Variants in CNDP2 observed in about 807,000 individuals in gnomAD.
CNDP2 encodes the protein carnosine dipeptidase 2, also known as cytosolic non-specific dipeptidase.
Under a neutral mutation model 55.0 loss-of-function variants are expected in CNDP2, and 38 were observed. The observed-to-expected ratio is 0.69, with a 90% CI of 0.53 to 0.90. The LOEUF is 0.90. Among genes scored for constraint, CNDP2 ranks in the 40% least tolerant of loss-of-function variants. The pLI is 0.00. For missense variants in CNDP2, 607 were observed against 621.7 expected, an observed-to-expected ratio of 0.98 and a Z score of 0.25; for synonymous variants, 241 against 260.2, an observed-to-expected ratio of 0.93 and a Z score of 0.71.
chr18:74,505,798 T>C, intron 3 of CNDP2, 51 bp from the exon 4 acceptor site: 1 of 1,607,142 alleles, frequency 6.2e-7, no homozygotes, highest in Non-Finnish European at 8.5e-7. Flanking sequence ...CCTTAAGCAC[T>C]GAATTTCTTA....
rs1979854869 is a variant in CNDP2, at chr18:74,518,597, C to T, written c.1167C>T (p.Phe389=). Residue 389 remains phenylalanine, a synonymous_variant, in exon 10 of 12, where the codon TTC becomes TTT. Coordinates refer to ENST00000324262, the MANE Select transcript of CNDP2 (RefSeq NM_018235.3). Reference sequence around the variant, plus strand: ...GTGGGAAGCCCTGGGTCTCCGACTTCAGTCACCCTCATTACCTGGCTGGGA... The same window carrying T: ...GTGGGAAGCCCTGGGTCTCCGACTTTAGTCACCCTCATTACCTGGCTGGGA... The part of the protein sequence containing the change: ...GHGGKPWVSD[F]SHPHYLAGRR... The T allele has an allele frequency of 6.2e-7, 1 of 1,614,126 alleles. No homozygotes were observed. The highest frequency in any genetic ancestry group is 1.3e-5 in the African/African-American group (1 of 74,944).
chr18:74,518,789 G>A (rs1599074139), intron 10 of CNDP2, 149 bp downstream of exon 10: 5 of 1,420,212 alleles, frequency 3.5e-6, no homozygotes, highest in South Asian at 2.6e-5. Context: ...CAGCTAGTGT[G>A]TGGGATGAGC....
At chr18:74,497,152 C>T (rs577810089) in intron 1 of CNDP2, among the ~76,000 whole-genome samples, 1 of 152,134 alleles carries the variant, frequency 6.6e-6, no homozygotes, top group South Asian at 2.1e-4. Context: ...GGTCAGATTC[C>T]GTAGATCATC....
chr18:74,519,618 C>T (rs750045717), intron 11 of CNDP2, among the ~76,000 whole-genome samples: 1 of 152,068 alleles, frequency 6.6e-6, no homozygotes. Context: ...CCAAGGCAGA[C>T]GATCAAGGAC....
intron 7 of CNDP2, among the ~76,000 whole-genome samples, chr18:74,512,822 G>A (rs1256648807): frequency 2.0e-5 from 3 of 152,098 alleles, no homozygotes; most frequent in Non-Finnish European, 4.4e-5. Flanking sequence ...CAAGCCCCTC[G>A]AGGCACGTGG....
At chr18:74,512,404 C>T in intron 6 of CNDP2, 44 bp from the exon 7 acceptor site, 1 of 1,520,964 alleles carries the variant, frequency 6.6e-7, no homozygotes, top group Non-Finnish European at 9.0e-7. Flanking sequence ...TAAAAATAAG[C>T]TCCCACTAGG....
At chr18:74,501,696 A>G (rs940781329) in intron 3 of CNDP2, among the ~76,000 whole-genome samples, 2 of 152,060 alleles carry the variant, frequency 1.3e-5, no homozygotes, top group African/African-American at 4.8e-5. Flanking sequence ...CAGGAAGGAG[A>G]ACTGCTGACA....
chr18:74,506,160 G>A, intron 4 of CNDP2, 149 bp downstream of exon 4: 1 of 690,796 alleles, frequency 1.4e-6, no homozygotes, highest in Non-Finnish European at 2.0e-6. Flanking sequence ...TTGAGACAGA[G>A]TCTCACTCTG....
chr18:74,506,039 A>G (rs780770048), intron 4 of CNDP2, 28 bp downstream of exon 4: 2 of 1,527,736 alleles, frequency 1.3e-6, no homozygotes, highest in East Asian at 2.4e-5. Context: ...ATGCGTGCCC[A>G]GAGGAAAGGC....
At chr18:74,502,907 T>G (rs78044276) in intron 3 of CNDP2, among the ~76,000 whole-genome samples, 3,587 of 152,266 alleles carry the variant, frequency 0.024, 65 homozygotes, top group Non-Finnish European at 0.035. Context: ...GCCTCCTGAT[T>G]CCCCAGGCAG....
intron 11 of CNDP2, 33 bp downstream of exon 11, chr18:74,519,129 C>T: frequency 6.3e-7 from 1 of 1,576,544 alleles, no homozygotes; most frequent in Non-Finnish European, 8.6e-7. Flanking sequence ...AGGTTGGCGT[C>T]TCCTGCACAG....
At chr18:74,511,050 C>A (rs1348128159) in intron 6 of CNDP2, 37 bp downstream of exon 6, 8 of 1,560,954 alleles carry the variant, frequency 5.1e-6, no homozygotes, top group Non-Finnish European at 7.0e-6. Context: ...TTCTTTCTAA[C>A]CCCTGAATCT....
intron 6 of CNDP2, 25 bp downstream of exon 6, chr18:74,511,038 A>T: frequency 6.3e-7 from 1 of 1,592,672 alleles, no homozygotes; most frequent in Non-Finnish European, 8.6e-7. Context: ...TGTACGGGTC[A>T]CTTCTTTCTA....
Position 74,505,925 on chromosome 18 carries a change from T to C in CNDP2, c.281T>C (p.Val94Ala). Residue 94 changes from valine (V) to alanine (A), a missense_variant, in exon 4 of 12, where the codon GTG (valine) becomes GCG (alanine). Coordinates refer to ENST00000324262, the MANE Select transcript of CNDP2 (RefSeq NM_018235.3). ...RLGSDPQKKT[V>A]CIYGHLDVQP... ...GGCTCCGACCCACAGAAGAAGACCG[T>C]GTGCATTTACGGGCACCTGGATGTG... is the stretch of plus-strand genomic sequence containing the variant. The C allele has an allele frequency of 6.2e-7, 1 of 1,612,452 alleles. No individual in the cohort carries two copies. The highest frequency in any genetic ancestry group is 8.5e-7 in the Non-Finnish European group (1 of 1,179,470).
chr18:74,518,835 G>C, intron 10 of CNDP2, 114 bp from the exon 11 acceptor site: 1 of 1,502,438 alleles, frequency 6.7e-7, no homozygotes, highest in Non-Finnish European at 9.1e-7. Context: ...CGGGCTTGCT[G>C]TCCCCAGGGC....
Position 74,501,401 on chromosome 18 carries a change from A to G in CNDP2, c.133A>G (p.Met45Val). ...PEKRGEIRRMMEVAAADVKQL... is the reference protein window; with the variant it reads ...PEKRGEIRRMVEVAAADVKQL... ...GAAGAGAGGCGAAATCAGGAGGATG[A>G]TGGAAGTTGCTGCTGCAGATGTTAA... Residue 45 changes from methionine to valine, a missense_variant, in exon 3 of 12, where the codon ATG becomes GTG. Transcript: ENST00000324262. The G allele has an allele frequency of 6.2e-7, 1 of 1,614,164 alleles. No homozygotes were observed. Among genetic ancestry groups the G allele is most frequent in the Non-Finnish European group, 8.5e-7 (1 of 1,180,024 alleles).
chr18:74,503,063 G>A (rs909265880), intron 3 of CNDP2, among the ~76,000 whole-genome samples: 4 of 109,640 alleles, frequency 3.6e-5, no homozygotes, highest in African/African-American at 1.1e-4. Context: ...GACTCACCTT[G>A]CTCCCTTTCG....
At chr18:74,500,219 T>TCA (rs1978615197) in intron 2 of CNDP2, among the ~76,000 whole-genome samples, 186 bp downstream of exon 2, 1 of 152,252 alleles carries the variant, frequency 6.6e-6, no homozygotes, top group African/African-American at 2.4e-5. Context: ...AAAGTGTTAA[T>TCA]GTATGTTTCT....
chr18:74,496,888 G>T (rs1450855397), intron 1 of CNDP2, among the ~76,000 whole-genome samples: 2 of 152,192 alleles, frequency 1.3e-5, no homozygotes, highest in Non-Finnish European at 2.9e-5. Flanking sequence ...GACCTGGGGT[G>T]GGGAGTGTGG....
Sources: allele counts gnomAD v4.1 joint callset (sites outside exome capture counted in the v4.1 genomes callset), GRCh38; gene constraint gnomAD v4.1.1; transcripts MANE v1.5; gene names NCBI Gene and HGNC (gene_info 2026-07-23, HGNC 2026-07-21).